Variants in ZSCAN22 observed in about 807,000 individuals in gnomAD.
ZSCAN22 encodes zinc finger and SCAN domain-containing protein 22.
A neutral mutation model predicts 12.4 loss-of-function variants in ZSCAN22; 7 were observed. That is an observed-to-expected ratio of 0.57 (90% confidence interval 0.32 to 1.06). The LOEUF is 1.06. Ranked by LOEUF, ZSCAN22 falls within the 50% of genes least tolerant of loss-of-function variation. The pLI is 0.04. For synonymous variants in ZSCAN22, 243 were observed against 255.9 expected, an observed-to-expected ratio of 0.95 and a Z score of 0.48; for missense variants, 576 against 631.7, an observed-to-expected ratio of 0.91 and a Z score of 0.94.
rs751297255 is a variant in ZSCAN22 at position 58,338,252 on chromosome 19, A to G, written c.404-2A>G. ...GTGACAGTGTGGTTCGGACTGTTTC[A>G]GGATGGGATCCAGGAGCCGAGCCCA... On this transcript the variant is annotated splice_acceptor_variant, in intron 2 of 2. Coordinates refer to ENST00000329665, the MANE Select transcript of ZSCAN22 (RefSeq NM_181846.3). LOFTEE classifies it high-confidence loss of function. This position sits in a 1 kb window ranked among gnomAD's most constrained non-coding sequence, Gnocchi z 5.4. The G allele has an allele frequency of 1.6e-5, 26 of 1,595,684 alleles. No individual in the cohort carries two copies. The highest frequency in any genetic ancestry group is 2.1e-5 in the Non-Finnish European group (25 of 1,167,250).
In ZSCAN22 at chr19:58,339,348, G is replaced by A. The variant is rs373226845; in HGVS notation, c.*22G>A. The A allele has an allele frequency of 3.0e-5, 47 of 1,556,634 alleles. No homozygotes were observed. The highest frequency in any genetic ancestry group is 2.5e-4 in the South Asian group (21 of 82,922). ...ATGACCGGAAGTCGCCCCTGGGGGCGTAGCACAGCGTCTTCTCGGAGGCTC... is the reference window on the plus strand; with the variant it reads ...ATGACCGGAAGTCGCCCCTGGGGGCATAGCACAGCGTCTTCTCGGAGGCTC... On this transcript the variant is annotated 3_prime_UTR_variant, in exon 3 of 3. Coordinates refer to ENST00000329665, the MANE Select transcript of ZSCAN22 (RefSeq NM_181846.3). This position sits in a 1 kb window ranked among gnomAD's most constrained non-coding sequence, Gnocchi z 5.6.
At position 58,334,741 on chromosome 19, in the gene ZSCAN22, C is replaced by A. The variant is rs757419990; in HGVS notation, c.-51-11C>A. The A allele has an allele frequency of 3.4e-6, 5 of 1,487,314 alleles. No homozygotes were observed. The Admixed American group carries it at 6.6e-5, about 20-fold the overall frequency. 92.1% of individuals were successfully genotyped at this position (1,487,314 alleles called of 1,614,324 possible). On this transcript the variant is annotated splice_polypyrimidine_tract_variant and intron_variant, in intron 1 of 2. Coordinates refer to ENST00000329665, the MANE Select transcript of ZSCAN22 (RefSeq NM_181846.3). Reference sequence around the variant, plus strand: ...GTTCCATGTGATGCTGAAGCTCTGACATTCCTGCAGGCCCAGTTCCAAGGC... The same window carrying A: ...GTTCCATGTGATGCTGAAGCTCTGAAATTCCTGCAGGCCCAGTTCCAAGGC...
rs894220858 is a variant in ZSCAN22, at chr19:58,340,010, A to T, written c.*684A>T. ...TTGTTTTAACCTAAAGCTTATCTGT[A>T]ATTCACCTCCTTTTCCACCACTGCT... On this transcript the variant is annotated 3_prime_UTR_variant, in exon 3 of 3. Transcript: ENST00000329665. 8 of 152,486 alleles carry T rather than the reference A, an allele frequency of 5.2e-5. No individual in the cohort carries two copies. The highest frequency in any genetic ancestry group is 1.9e-4 in the African/African-American group (8 of 41,396). 9.4% of individuals were successfully genotyped at this position (152,486 alleles called of 1,614,324 possible).
Position 58,329,037 on chromosome 19 carries a change from G to A in ZSCAN22, c.-52+1923G>A, listed in dbSNP as rs1034344616. ...GTATCTGGGATGACACCTGAGGAAA[G>A]TGGCAGCTAAGATGAGGCCTAGAGA... On this transcript the variant is annotated intron_variant, in intron 1 of 2. Transcript: ENST00000329665. The surrounding 1 kb of genome is among the most constrained non-coding windows in gnomAD (Gnocchi z 4.1). 5.7e-4 allele frequency among the ~76,000 whole-genome samples: 87 copies of A among 152,308 alleles called. No individual in the cohort carries two copies. The highest frequency in any genetic ancestry group is 2.0e-3 in the African/African-American group (84 of 41,568).
intron 1 of ZSCAN22, among the ~76,000 whole-genome samples, chr19:58,327,893 C>G (rs1219173603): frequency 1.3e-5 from 2 of 152,168 alleles, no homozygotes; most frequent in Non-Finnish European, 2.9e-5. Flanking sequence ...CTCTGTTGCC[C>G]AGGCTGGAGT....
At position 58,340,024 on chromosome 19, in the gene ZSCAN22, T is replaced by C. The variant is rs948246781; in HGVS notation, c.*698T>C. On this transcript the variant is annotated 3_prime_UTR_variant, in exon 3 of 3. Coordinates refer to ENST00000329665, the MANE Select transcript of ZSCAN22 (RefSeq NM_181846.3). ...AGCTTATCTGTAATTCACCTCCTTT[T>C]CCACCACTGCTACCTTATGTGAGCC... The C allele has an allele frequency of 7.9e-5, 12 of 152,518 alleles. No individual in the cohort carries two copies. Among genetic ancestry groups the C allele is most frequent in the African/African-American group, 2.9e-4 (12 of 41,446 alleles). 9.4% of individuals were successfully genotyped at this position (152,518 alleles called of 1,614,324 possible).
In ZSCAN22 at chr19:58,334,880, A is replaced by G. The variant is rs1277031117; in HGVS notation, c.78A>G (p.Glu26=). The G allele has an allele frequency of 6.2e-7, 1 of 1,613,928 alleles. No homozygotes were observed. The highest frequency in any genetic ancestry group is 1.7e-5 in the Admixed American group (1 of 60,028). ...DSFLQVKVEE[E]EEASLSQGGE... The stretch of plus-strand genomic sequence containing the variant: ...TCCTTCAAGTGAAGGTGGAGGAGGA[A>G]GAGGAAGCCAGCCTCTCCCAGGGCG... Residue 26 remains glutamate, a synonymous_variant, in exon 2 of 3, where the codon GAA becomes GAG. Transcript: ENST00000329665.
chr19:58,337,066 T>A (rs1489345902), intron 2 of ZSCAN22, among the ~76,000 whole-genome samples: 1 of 152,226 alleles, frequency 6.6e-6, no homozygotes, highest in African/African-American at 2.4e-5. Flanking sequence ...CTCTACCTCA[T>A]GCACACTCTG....
In ZSCAN22 at chr19:58,338,195, C is replaced by A; in HGVS notation, c.404-59C>A. ...TACAAAGTGTGACCGGGGCCCTCGGCAGAGTAGGGGAGGCTTGGTGTGGTA... is the reference window on the plus strand; with the variant it reads ...TACAAAGTGTGACCGGGGCCCTCGGAAGAGTAGGGGAGGCTTGGTGTGGTA... On this transcript the variant is annotated intron_variant, in intron 2 of 2. Transcript: ENST00000329665. The surrounding 1 kb of genome is among the most constrained non-coding windows in gnomAD (Gnocchi z 5.4). 1 of 1,473,140 alleles carries A rather than the reference C, an allele frequency of 6.8e-7. No individual in the cohort carries two copies. Among genetic ancestry groups the A allele is most frequent in the Non-Finnish European group, 9.2e-7 (1 of 1,087,572 alleles). The allele number at this position is 1,473,140 out of a possible 1,614,324, so 91.3% of individuals were successfully genotyped here.
intron 1 of ZSCAN22, among the ~76,000 whole-genome samples, chr19:58,333,612 G>C (rs1406206160): frequency 1.3e-5 from 2 of 152,250 alleles, no homozygotes; most frequent in African/African-American, 4.8e-5. Context: ...GTGGGGCCGA[G>C]GCAGGCAGAT....
In ZSCAN22 at chr19:58,338,827, G is replaced by A. The variant is rs577439792; in HGVS notation, c.977G>A (p.Cys326Tyr). Residue 326 changes from cysteine to tyrosine, a missense_variant, in exon 3 of 3, where the codon TGT becomes TAT. By Grantham distance (194) the Cys-to-Tyr change is radical. Transcript: ENST00000329665. The surrounding 1 kb of genome is among the most constrained non-coding windows in gnomAD (Gnocchi z 5.4). ...VVHTGAKPHE[C>Y]KECGKAFSRV... Reference sequence around the variant, plus strand: ...CACACAGGGGCGAAGCCCCATGAGTGTAAGGAATGTGGGAAGGCCTTCAGC... The same window carrying A: ...CACACAGGGGCGAAGCCCCATGAGTATAAGGAATGTGGGAAGGCCTTCAGC... The A allele has an allele frequency of 1.2e-6, 2 of 1,614,052 alleles. No individual in the cohort carries two copies. Among genetic ancestry groups the A allele is most frequent in the Admixed American group, 1.7e-5 (1 of 60,016 alleles).
rs75974945 is a variant in ZSCAN22, at chr19:58,338,366, C to T, written c.516C>T (p.Pro172=). 425 of 1,614,150 alleles carry T rather than the reference C, an allele frequency of 2.6e-4. 4 individuals carry two copies. The East Asian group carries it at 8.7e-3, about 33-fold the overall frequency. The part of the protein sequence containing the change: ...ETLMGGVSLG[P]AFVKACEPEG... The stretch of plus-strand genomic sequence containing the variant: ...TCATGGGAGGTGTTTCCCTTGGACC[C>T]GCCTTTGTCAAGGCATGTGAACCTG... The change falls in exon 3 of 3, where the codon CCC becomes CCT. Residue 172 remains proline (P), a synonymous_variant. Coordinates refer to ENST00000329665, the MANE Select transcript of ZSCAN22 (RefSeq NM_181846.3). The surrounding 1 kb of genome is among the most constrained non-coding windows in gnomAD (Gnocchi z 5.4).
chr19:58,334,752 G>A lies in ZSCAN22; in HGVS notation c.-51G>A. 6.6e-7 allele frequency: 1 copy of A among 1,514,178 alleles called. No homozygotes were observed. Among genetic ancestry groups the A allele is most frequent in the Non-Finnish European group, 8.8e-7 (1 of 1,130,094 alleles). 93.8% of individuals were successfully genotyped at this position (1,514,178 alleles called of 1,614,324 possible). A position where few individuals can be genotyped will look rare whatever the true frequency, so the allele number is the denominator to read the frequency against. ...TGCTGAAGCTCTGACATTCCTGCAGGCCCAGTTCCAAGGCTCCGGCATCCT... is the reference window on the plus strand; with the variant it reads ...TGCTGAAGCTCTGACATTCCTGCAGACCCAGTTCCAAGGCTCCGGCATCCT... On this transcript the variant is annotated splice_region_variant and 5_prime_UTR_variant, in exon 2 of 3. Coordinates refer to ENST00000329665, the MANE Select transcript of ZSCAN22 (RefSeq NM_181846.3).
Position 58,335,316 on chromosome 19 carries a change from T to A in ZSCAN22, c.403+111T>A. 1 of 1,340,820 alleles carries A rather than the reference T, an allele frequency of 7.5e-7. No individual in the cohort carries two copies. 83.1% of individuals were successfully genotyped at this position (1,340,820 alleles called of 1,614,324 possible). ...TTGCTCATGCACCCATTCTCACATT[T>A]GTACTTTACCGTAACTCTCACACAC... On this transcript the variant is annotated intron_variant, in intron 2 of 2. Coordinates refer to ENST00000329665, the MANE Select transcript of ZSCAN22 (RefSeq NM_181846.3). This position sits in a 1 kb window ranked among gnomAD's most constrained non-coding sequence, Gnocchi z 4.1.
Position 58,327,043 on chromosome 19 carries a change from G to A in ZSCAN22, c.-123G>A, listed in dbSNP as rs2051658854. 1 of 152,810 alleles carries A rather than the reference G, an allele frequency of 6.5e-6. No individual in the cohort carries two copies. Among genetic ancestry groups the A allele is most frequent in the Non-Finnish European group, 1.5e-5 (1 of 68,426 alleles). The allele number at this position is 152,810 out of a possible 1,614,324, so 9.5% of individuals were successfully genotyped here. A position where few individuals can be genotyped will look rare whatever the true frequency, so the allele number is the denominator to read the frequency against. On this transcript the variant is annotated 5_prime_UTR_variant, in exon 1 of 3. Transcript: ENST00000329665. ...TGAGGTGTGCTGGGAGCTGTGGTCCGGGTCGGCGGGCGCGCAAGTTGGCTA... is the reference window on the plus strand; with the variant it reads ...TGAGGTGTGCTGGGAGCTGTGGTCCAGGTCGGCGGGCGCGCAAGTTGGCTA...
chr19:58,337,008 G>C lies in ZSCAN22; in HGVS notation c.404-1246G>C, dbSNP rs116228735. 2.6e-3 allele frequency among the ~76,000 whole-genome samples: 401 copies of C among 152,330 alleles called. 2 individuals are homozygous for C. Among genetic ancestry groups the C allele is most frequent in the African/African-American group, 9.4e-3 (390 of 41,576 alleles). On this transcript the variant is annotated intron_variant, in intron 2 of 2. Coordinates refer to ENST00000329665, the MANE Select transcript of ZSCAN22 (RefSeq NM_181846.3). ...TGGAATCCATCCAGTAGATGTGCCA[G>C]ATTATGTGTCCTTTGCACCCATGCA...
chr19:58,328,144 C>G (rs2051678680), intron 1 of ZSCAN22, among the ~76,000 whole-genome samples: 1 of 152,168 alleles, frequency 6.6e-6, no homozygotes, highest in Non-Finnish European at 1.5e-5. Context: ...AGCCACCATG[C>G]CTGGCCAGGC....
rs1239817773 is a variant in ZSCAN22, at chr19:58,329,413, G to A, written c.-52+2299G>A. On this transcript the variant is annotated intron_variant, in intron 1 of 2. Transcript: ENST00000329665. The surrounding 1 kb of genome is among the most constrained non-coding windows in gnomAD (Gnocchi z 4.1). ...AAGAACTCCAAATACTTAAAACTGT[G>A]GGAGTCGTGGATGGGAGAGGGAGAG... Among the ~76,000 whole-genome samples the A allele has an allele frequency of 6.6e-6, 1 of 152,222 alleles. No individual in the cohort carries two copies. The highest frequency in any genetic ancestry group is 1.5e-5 in the Non-Finnish European group (1 of 68,046).
At chr19:58,333,366 C>T (rs2051749137) in intron 1 of ZSCAN22, among the ~76,000 whole-genome samples, 2 of 152,158 alleles carry the variant, frequency 1.3e-5, no homozygotes, top group Admixed American at 1.3e-4. Context: ...TTCAAGTATT[C>T]ATGGAACATT....
Sources: gnomAD v4.1 joint callset for allele counts (sites outside exome capture counted in the v4.1 genomes callset) on GRCh38, gnomAD v4.1.1 for gene constraint, Gnocchi (gnomAD v3.1) non-coding constraint, MANE v1.5 for transcripts, NCBI Gene and HGNC (gene_info 2026-07-23, HGNC 2026-07-21) for gene names.